LSM12: variants seen among roughly 807,000 people sequenced by gnomAD.
The protein encoded by LSM12 is protein LSM12.
For missense variants in LSM12, 108 were observed against 238.9 expected (o/e 0.45, Z 3.61); for synonymous variants, 74 against 87.3 (o/e 0.85, Z 0.85).
intron 2 of LSM12, among the ~76,000 whole-genome samples, chr17:44,041,290 A>AACACAC (rs72358942): frequency 1.8e-4 from 20 of 110,460 alleles, no homozygotes; most frequent in African/African-American, 6.3e-4. Context: ...AAAAAAAACA[A>AACACAC]ACACACACAC....
upstream of LSM12, among the ~76,000 whole-genome samples, chr17:44,067,002 G>T (rs2049889204): frequency 1.3e-5 from 2 of 152,156 alleles, no homozygotes; most frequent in Non-Finnish European, 2.9e-5. Flanking sequence ...ACGATACTTG[G>T]ACAAGATGAT....
At chr17:44,067,060 G>C (rs1347318554), upstream of LSM12, among the ~76,000 whole-genome samples, 1 of 152,232 alleles carries the variant, frequency 6.6e-6, no homozygotes, top group African/African-American at 2.4e-5. Flanking sequence ...AGCACTTTGG[G>C]AGGCCGAGGC....
intron 2 of LSM12, among the ~76,000 whole-genome samples, chr17:44,050,149 G>A (rs1351332124): frequency 6.6e-6 from 1 of 152,020 alleles, no homozygotes; most frequent in Non-Finnish European, 1.5e-5. Flanking sequence ...GCCCAGGCTG[G>A]AGTGCAATGG....
At position 44,059,195 on chromosome 17, in the gene LSM12, TAC is replaced by T. The variant is rs927202249; in HGVS notation, c.258+4604_258+4605del. Among the ~76,000 whole-genome samples, 39 of 151,756 alleles carry T rather than the reference TAC, an allele frequency of 2.6e-4. No individual in the cohort carries two copies. In the South Asian group the frequency reaches 2.9e-3, roughly 11 times the overall value. ...AAAAAACAGAACACACACACACACA[TAC>T]ACACACACACGAAACATAACTTAGC... is the stretch of plus-strand genomic sequence containing the variant. On this transcript the variant is annotated intron_variant, in intron 2 of 4. Transcript: ENST00000293406.
At chr17:44,059,882 A>G (rs942572655) in intron 2 of LSM12, among the ~76,000 whole-genome samples, 1 of 152,138 alleles carries the variant, frequency 6.6e-6, no homozygotes, top group African/African-American at 2.4e-5. Flanking sequence ...AAGTTAGAGT[A>G]GGCCGGGTGT....
At chr17:44,040,078 G>A in intron 3 of LSM12, 69 bp downstream of exon 3, 1 of 1,213,754 alleles carries the variant, frequency 8.2e-7, no homozygotes, top group Non-Finnish European at 1.2e-6. Flanking sequence ...CCACCCAAAA[G>A]CCTGCCACCA....
intron 2 of LSM12, among the ~76,000 whole-genome samples, chr17:44,058,193 C>T (rs1202194336): frequency 1.3e-5 from 2 of 151,344 alleles, no homozygotes; most frequent in African/African-American, 2.4e-5. Flanking sequence ...GCCGAGATCG[C>T]GCCACTGCAC....
Position 44,055,453 on chromosome 17 carries a change from G to A in LSM12, c.258+8348C>T, listed in dbSNP as rs1282823078. ...GAGGTGGGTGGATCATCTGAGCTCA[G>A]GAGTTCAAGACCAGCCTAGGCAACA... On this transcript the variant is annotated intron_variant, in intron 2 of 4. Coordinates refer to ENST00000293406, the MANE Select transcript of LSM12 (RefSeq NM_001371445.1). Among the ~76,000 whole-genome samples, 25 of 148,632 alleles carry A rather than the reference G, an allele frequency of 1.7e-4. No homozygotes were observed. In the Admixed American group the frequency reaches 1.7e-3, roughly 10 times the overall value.
chr17:44,051,036 G>A (rs578046841), intron 2 of LSM12, among the ~76,000 whole-genome samples: 2 of 152,250 alleles, frequency 1.3e-5, no homozygotes, highest in South Asian at 4.1e-4. Flanking sequence ...CACTTTGGGA[G>A]GCTGAGGTGG....
At chr17:44,057,915 T>C (rs185499070) in intron 2 of LSM12, among the ~76,000 whole-genome samples, 2 of 149,636 alleles carry the variant, frequency 1.3e-5, no homozygotes, top group South Asian at 2.2e-4. Context: ...TCTCATCCCA[T>C]AATTCAATGA....
intron 2 of LSM12, 90 bp from the exon 3 acceptor site, chr17:44,040,346 G>T: frequency 1.1e-6 from 1 of 940,456 alleles, no homozygotes; most frequent in Non-Finnish European, 1.7e-6. Context: ...AGGAGGCCAG[G>T]AAAGACTTGT....
In LSM12 at chr17:44,040,067, A is replaced by T. The variant is rs1318807421; in HGVS notation, c.368+80T>A. ...TCCCCAGTAGACTTTTAGGAAGACA[A>T]CCACCCAAAAGCCTGCCACCAGACA... On this transcript the variant is annotated intron_variant, in intron 3 of 4. Coordinates refer to ENST00000293406, the MANE Select transcript of LSM12 (RefSeq NM_001371445.1). 6.5e-6 allele frequency: 7 copies of T among 1,071,056 alleles called. No individual in the cohort carries two copies. In the African/African-American group the frequency reaches 9.5e-5, roughly 14 times the overall value. The allele number at this position is 1,071,056 out of a possible 1,614,324, so 66.3% of individuals were successfully genotyped here.
intron 2 of LSM12, among the ~76,000 whole-genome samples, chr17:44,059,828 C>T (rs1157708691): frequency 1.3e-5 from 2 of 152,152 alleles, no homozygotes; most frequent in African/African-American, 4.8e-5. Context: ...AGATCACTTA[C>T]TATGTCAGCA....
chr17:44,064,720 G>C (rs1384792414), intron 1 of LSM12, among the ~76,000 whole-genome samples: 2 of 146,550 alleles, frequency 1.4e-5, no homozygotes, highest in South Asian at 4.3e-4. Context: ...GTGACAGAGC[G>C]AGACTCCGTC....
upstream of LSM12, chr17:44,066,781 A>G (rs537828299): frequency 2.0e-5 from 13 of 640,024 alleles, no homozygotes; most frequent in Non-Finnish European, 2.8e-5. Flanking sequence ...TCTGAAAAGT[A>G]TTTGTATAGC....
At chr17:44,064,525 G>T (rs980510509) in intron 1 of LSM12, among the ~76,000 whole-genome samples, 1 of 151,914 alleles carries the variant, frequency 6.6e-6, no homozygotes, top group Non-Finnish European at 1.5e-5. Flanking sequence ...TTGAGGTCAG[G>T]AGTTCAAGAC....
Position 44,037,348 on chromosome 17 carries a change from C to A in LSM12, c.495+64G>T, listed in dbSNP as rs980696045. On this transcript the variant is annotated intron_variant, in intron 4 of 4. Coordinates refer to ENST00000293406, the MANE Select transcript of LSM12 (RefSeq NM_001371445.1). The stretch of plus-strand genomic sequence containing the variant: ...TGTAGCACAATGTCCTGGTCTGGTG[C>A]TAAAGACTGAAGGCCTGAGGAACCA... 8 of 1,510,574 alleles carry A rather than the reference C, an allele frequency of 5.3e-6. No individual in the cohort carries two copies. In the African/African-American group the frequency reaches 1.1e-4, roughly 21 times the overall value. The allele number at this position is 1,510,574 out of a possible 1,614,324, so 93.6% of individuals were successfully genotyped here.
At chr17:44,059,527 G>A (rs762812180) in intron 2 of LSM12, among the ~76,000 whole-genome samples, 7 of 151,990 alleles carry the variant, frequency 4.6e-5, no homozygotes, top group Non-Finnish European at 8.8e-5. Context: ...AGATCACACC[G>A]GGCAATGGAC....
chr17:44,053,819 T>G (rs1253160801), intron 2 of LSM12, among the ~76,000 whole-genome samples: 1 of 152,144 alleles, frequency 6.6e-6, no homozygotes, highest in Non-Finnish European at 1.5e-5. Context: ...CCTGAGCTAG[T>G]CTTAAAATTC....
Sources: gnomAD v4.1 joint callset for allele counts (sites outside exome capture counted in the v4.1 genomes callset) on GRCh38, gnomAD v4.1.1 for gene constraint, MANE v1.5 for transcripts, NCBI Gene and HGNC (gene_info 2026-07-23, HGNC 2026-07-21) for gene names.